SEMA6C: variants seen among roughly 807,000 people sequenced by gnomAD.
SEMA6C encodes the protein semaphorin 6C, also known as semaphorin-6C.
SEMA6C carries 37 observed loss-of-function variants against 72.9 expected under a neutral mutation model. That is an observed-to-expected ratio of 0.51 (90% CI 0.39 to 0.67). SEMA6C has a LOEUF of 0.67. Among genes scored for constraint, SEMA6C ranks in the 30% least tolerant of loss-of-function variants. The pLI, the probability that SEMA6C is intolerant of heterozygous loss-of-function variation, is 0.00. For synonymous variants in SEMA6C, 578 were observed against 554.1 expected (o/e 1.04, Z -0.61); for missense variants, 1,189 against 1,263.6 (o/e 0.94, Z 0.89).
chr1:151,132,364 T>A lies in SEMA6C; in HGVS notation c.*120A>T. 6.5e-7 allele frequency: 1 copy of A among 1,533,992 alleles called. No homozygotes were observed. Among genetic ancestry groups the A allele is most frequent in the South Asian group, 1.2e-5 (1 of 82,000 alleles). ...GGCGAAAAGGGGCCTCGGGAGACTC[T>A]GCGAGTCGGGAAGGCTGGAGGTGCG... On this transcript the variant is annotated 3_prime_UTR_variant, in exon 19 of 19. Transcript: ENST00000368914.
In SEMA6C at chr1:151,132,804, C is replaced by T; in HGVS notation, c.2473G>A (p.Glu825Lys). The part of the protein sequence containing the change: ...ASPLRLDVPP[E>K]GRCASAPARP... ...GCGGGGGCAGAGGCGCACCTGCCCT[C>T]GGGGGGCACGTCCAGCCTCAGCGGC... The change falls in exon 19 of 19, where the codon GAG (glutamate) becomes AAG (lysine). Residue 825 changes from glutamate (E) to lysine (K), a missense_variant. Transcript: ENST00000368914. 7.5e-7 allele frequency: 1 copy of T among 1,333,386 alleles called. No individual in the cohort carries two copies. Among genetic ancestry groups the T allele is most frequent in the East Asian group, 3.2e-5 (1 of 30,904 alleles). 82.6% of individuals were successfully genotyped at this position (1,333,386 alleles called of 1,614,324 possible). A position where few individuals can be genotyped will look rare whatever the true frequency, so the allele number is the denominator to read the frequency against.
rs143769959 is a variant in SEMA6C, at chr1:151,145,456, C to G, written c.-105+977G>C. ...CATTTCCCCCACTCTTAGCTCTTAG[C>G]CCCACACTCAGCACCTACCCTCCTT... On this transcript the variant is annotated intron_variant, in intron 1 of 18. Transcript: ENST00000368914. This position sits in a 1 kb window ranked among gnomAD's most constrained non-coding sequence, Gnocchi z 4.4. 8 of 152,770 alleles carry G rather than the reference C, an allele frequency of 5.2e-5. No homozygotes were observed. Among genetic ancestry groups the G allele is most frequent in the African/African-American group, 1.9e-4 (8 of 41,592 alleles). 9.5% of individuals were successfully genotyped at this position (152,770 alleles called of 1,614,324 possible).
At chr1:151,139,933 G>A (rs768569767) in intron 4 of SEMA6C, 43 bp downstream of exon 4, 55 of 1,574,314 alleles carry the variant, frequency 3.5e-5, no homozygotes, top group Non-Finnish European at 4.7e-5. Context: ...GTCTGCCCAG[G>A]AGCATGCATG....
In SEMA6C at chr1:151,132,474, G is replaced by A. The variant is rs10788800; in HGVS notation, c.*10C>T. 1,064,938 of 1,546,804 alleles carry A rather than the reference G, an allele frequency of 0.69. 374,930 individuals are homozygous for A. The highest frequency in any genetic ancestry group is 0.9 in the East Asian group (36,642 of 40,824). ...GCGCTCCCCACGCTGGAGGCCGTGG[G>A]CCGCTCCCTTTAAAAGTTGAAACGG... On this transcript the variant is annotated 3_prime_UTR_variant, in exon 19 of 19. Transcript: ENST00000368914.
At chr1:151,139,261 T>C (rs1682323740) in intron 6 of SEMA6C, among the ~76,000 whole-genome samples, 164 bp downstream of exon 6, 1 of 152,218 alleles carries the variant, frequency 6.6e-6, no homozygotes. Flanking sequence ...GTGAGGCATG[T>C]AAGAGAAACT....
Position 151,133,966 on chromosome 1 carries a change from T to C in SEMA6C, c.1759+435A>G, listed in dbSNP as rs984085966. Reference sequence around the variant, plus strand: ...TCCCAAGTAGCCCCCTTACCCCGAGTGTGAACTCCAAGAGTGGAAGACTGG... The same window carrying C: ...TCCCAAGTAGCCCCCTTACCCCGAGCGTGAACTCCAAGAGTGGAAGACTGG... On this transcript the variant is annotated intron_variant, in intron 18 of 18. Transcript: ENST00000368914. The surrounding 1 kb of genome is among the most constrained non-coding windows in gnomAD (Gnocchi z 5.9). 1 of 1,478,332 alleles carries C rather than the reference T, an allele frequency of 6.8e-7. No individual in the cohort carries two copies. 91.6% of individuals were successfully genotyped at this position (1,478,332 alleles called of 1,614,324 possible).
At chr1:151,137,615 T>C in intron 10 of SEMA6C, 96 bp downstream of exon 10, 1 of 1,005,266 alleles carries the variant, frequency 9.9e-7, no homozygotes, top group Non-Finnish European at 1.5e-6. Context: ...GATTGCTTTG[T>C]GGAGATTATG....
intron 10 of SEMA6C, 61 bp downstream of exon 10, chr1:151,137,650 A>G: frequency 1.5e-6 from 2 of 1,363,838 alleles, no homozygotes; most frequent in Non-Finnish European, 2.1e-6. Flanking sequence ...TCCCACTCAG[A>G]CTGGCTCCTC....
Position 151,139,653 on chromosome 1 carries a change from C to T in SEMA6C, c.282G>A (p.Gly94=). The change falls in exon 5 of 19, where the codon GGG becomes GGA. Residue 94 remains glycine, a synonymous_variant. Transcript: ENST00000368914. ...FDLQAEEEGE[G]LVPNKYLTWR... is the part of the protein sequence containing the mutation. ...AGCCCCTCACCTTGTTGGGCACCAG[C>T]CCCTCCCCTTCTTCTTCGGCTTGAA... 10 of 1,607,378 alleles carry T rather than the reference C, an allele frequency of 6.2e-6. No individual in the cohort carries two copies. The highest frequency in any genetic ancestry group is 8.5e-6 in the Non-Finnish European group (10 of 1,174,930).
At chr1:151,142,743 G>A in intron 2 of SEMA6C, 68 bp from the exon 3 acceptor site, 2 of 764,414 alleles carry the variant, frequency 2.6e-6, no homozygotes, top group Non-Finnish European at 4.1e-6. Flanking sequence ...AAGCCAGCAG[G>A]CTCCTCTCCT....
At chr1:151,134,485 A>G in intron 17 of SEMA6C, 40 bp from the exon 18 acceptor site, 1 of 1,608,534 alleles carries the variant, frequency 6.2e-7, no homozygotes, top group Non-Finnish European at 8.5e-7. Context: ...GGGAAAGAGA[A>G]GCTTCATGAA....
At chr1:151,137,540 G>A (rs1682147232) in intron 10 of SEMA6C, among the ~76,000 whole-genome samples, 171 bp downstream of exon 10, 1 of 151,968 alleles carries the variant, frequency 6.6e-6, no homozygotes. Context: ...CAAGGGTGAG[G>A]GACAAGCAGG....
intron 13 of SEMA6C, 70 bp downstream of exon 13, chr1:151,135,941 T>C: frequency 3.1e-6 from 5 of 1,601,142 alleles, no homozygotes; most frequent in Admixed American, 3.4e-5. Context: ...CGGTTTACCT[T>C]GTTGGGTCAA....
At chr1:151,137,895 C>T in intron 9 of SEMA6C, 91 bp downstream of exon 9, 2 of 1,582,708 alleles carry the variant, frequency 1.3e-6, no homozygotes, top group Admixed American at 1.7e-5. Flanking sequence ...CATACATACA[C>T]ACTACCACAC....
intron 10 of SEMA6C, among the ~76,000 whole-genome samples, chr1:151,137,317 G>A (rs1184063297): frequency 3.9e-5 from 6 of 152,078 alleles, no homozygotes; most frequent in African/African-American, 4.8e-5. Context: ...ATGGTGGTGG[G>A]CACCTGTAGT....
chr1:151,133,809 A>G lies in SEMA6C; in HGVS notation c.1760-292T>C. On this transcript the variant is annotated intron_variant, in intron 18 of 18. Transcript: ENST00000368914. The surrounding 1 kb of genome is among the most constrained non-coding windows in gnomAD (Gnocchi z 5.9). ...AACTGCCAAAAACTGCTCGTGCAGG[A>G]GAACTCGGGGCTGGGATGCCCAATT... 1.2e-6 allele frequency: 1 copy of G among 854,832 alleles called. No homozygotes were observed. 53.0% of individuals were successfully genotyped at this position (854,832 alleles called of 1,614,324 possible).
intron 2 of SEMA6C, among the ~76,000 whole-genome samples, chr1:151,144,029 C>G (rs2101655271): frequency 6.6e-6 from 1 of 152,120 alleles, no homozygotes; most frequent in South Asian, 2.1e-4. Context: ...CTCAAGAGAG[C>G]TGAAGAAAGG....
intron 3 of SEMA6C, among the ~76,000 whole-genome samples, chr1:151,140,414 T>C (rs925830329): frequency 1.1e-4 from 17 of 152,242 alleles, no homozygotes; most frequent in Non-Finnish European, 2.4e-4. Context: ...TCCAGGTCTG[T>C]CTGCCTCTGG....
At position 151,137,003 on chromosome 1, in the gene SEMA6C, G is replaced by C; in HGVS notation, c.828C>G (p.His276Gln). ...GCCGAAGCTTCAGGAAGGATGTCCA[G>C]TGGCGGTCCAAGGCCCGAGGCGAGC... ...MGGSPRALDR[H>Q]WTSFLKLRLN... The change falls in exon 11 of 19, where the codon CAC becomes CAG. Residue 276 changes from histidine (H) to glutamine (Q), a missense_variant. His to Gln is a conservative substitution (Grantham distance 24). Around this residue, in one of 2 missense-constraint regions of SEMA6C, gnomAD observed 468 missense variants for 577.4 expected, o/e 0.81. Coordinates refer to ENST00000368914, the MANE Select transcript of SEMA6C (RefSeq NM_030913.6). 6.2e-7 allele frequency: 1 copy of C among 1,614,186 alleles called. No individual in the cohort carries two copies. The highest frequency in any genetic ancestry group is 8.5e-7 in the Non-Finnish European group (1 of 1,180,048).
Sources: allele counts gnomAD v4.1 joint callset (sites outside exome capture counted in the v4.1 genomes callset), GRCh38; gene constraint gnomAD v4.1.1; regional missense constraint gnomAD v4.1.1; non-coding constraint Gnocchi (gnomAD v3.1); transcripts MANE v1.5; gene names NCBI Gene and HGNC (gene_info 2026-07-23, HGNC 2026-07-21).